Variants in HELZ observed in about 807,000 individuals in gnomAD.
The protein encoded by HELZ is ATP-dependent RNA helicase with zinc finger domain.
Under a neutral mutation model 218.2 loss-of-function variants are expected in HELZ, and 23 were observed. That is an observed-to-expected ratio of 0.11 (90% CI 0.08 to 0.15). The LOEUF (loss-of-function observed/expected upper bound fraction) is 0.15, where lower values mean the gene tolerates loss of function less well. HELZ is among the 10% of genes least tolerant of loss of function. The probability of loss-of-function intolerance (pLI) is 1.00; values close to 1 mark genes in which losing one functional copy is unlikely to be tolerated. For synonymous variants in HELZ, 814 were observed against 829.4 expected, an observed-to-expected ratio of 0.98 and a Z score of 0.32; for missense variants, 1,813 against 2,353.7, an observed-to-expected ratio of 0.77 and a Z score of 4.75.
chr17:67,162,489 A>C (rs1000551663), intron 15 of HELZ, among the ~76,000 whole-genome samples: 2 of 152,068 alleles, frequency 1.3e-5, no homozygotes, highest in African/African-American at 4.8e-5. Context: ...TAAATGAAAA[A>C]ACTGCTTCAG....
At chr17:67,170,809 AG>A (rs1221404935) in intron 13 of HELZ, among the ~76,000 whole-genome samples, 1 of 149,094 alleles carries the variant, frequency 6.7e-6, no homozygotes, top group African/African-American at 2.4e-5. Flanking sequence ...CCTCAGTGAC[AG>A]AGTGAGACTC....
intron 32 of HELZ, among the ~76,000 whole-genome samples, chr17:67,084,912 C>T (rs1434758042): frequency 1.3e-5 from 2 of 152,018 alleles, no homozygotes; most frequent in African/African-American, 4.8e-5. Context: ...TTGAGGTCAG[C>T]CTGGCCAACA....
rs2038576044 is a variant in HELZ, at chr17:67,148,448, G to A, written c.2621+121C>T. ...ACATAAAATTAAACATAATTTGCAA[G>A]ACTAGGGACACTATGTAAGTGTGTT... On this transcript the variant is annotated intron_variant, in intron 20 of 32. Transcript: ENST00000358691. 4.0e-6 allele frequency: 3 copies of A among 749,620 alleles called. No individual in the cohort carries two copies. The South Asian group carries it at 8.2e-5, about 21-fold the overall frequency. The allele number at this position is 749,620 out of a possible 1,614,324, so 46.4% of individuals were successfully genotyped here.
At chr17:67,225,016 G>GA in intron 3 of HELZ, 5 of 683,352 alleles carry the variant, frequency 7.3e-6, no homozygotes, top group South Asian at 6.9e-5. Context: ...GGAGATAAGA[G>GA]AAAGGGTCAA....
intron 31 of HELZ, among the ~76,000 whole-genome samples, chr17:67,094,362 A>C (rs2036672686): frequency 7.0e-6 from 1 of 142,032 alleles, no homozygotes. Flanking sequence ...AGATACAGGC[A>C]TACCTTGGAG....
intron 24 of HELZ, among the ~76,000 whole-genome samples, chr17:67,126,497 C>G (rs1037649684): frequency 6.6e-6 from 1 of 152,100 alleles, no homozygotes; most frequent in Non-Finnish European, 1.5e-5. Flanking sequence ...AACCATAGAA[C>G]AGTAAATTTA....
chr17:67,180,178 C>T (rs988207250), intron 12 of HELZ, among the ~76,000 whole-genome samples: 1 of 152,068 alleles, frequency 6.6e-6, no homozygotes, highest in Non-Finnish European at 1.5e-5. Context: ...TAAAAACTTG[C>T]ACTTTAAAAA....
chr17:67,213,994 A>C (rs2040524464), intron 5 of HELZ, among the ~76,000 whole-genome samples: 1 of 152,190 alleles, frequency 6.6e-6, no homozygotes, highest in Admixed American at 6.5e-5. Flanking sequence ...TGTCACTGTA[A>C]AGGCACAGAA....
In HELZ at chr17:67,070,827, A is replaced by G. The variant is rs978920778; in HGVS notation, c.*7425T>C. On this transcript the variant is annotated 3_prime_UTR_variant, in exon 33 of 33. Transcript: ENST00000358691. Reference sequence around the variant, plus strand: ...AAGTTATGCCTATTTAGATGGCTGTATAACTGGTACTTTGAAGAGATGAAC... The same window carrying G: ...AAGTTATGCCTATTTAGATGGCTGTGTAACTGGTACTTTGAAGAGATGAAC... 2 of 152,198 alleles carry G rather than the reference A, an allele frequency of 1.3e-5. No individual in the cohort carries two copies. Among genetic ancestry groups the G allele is most frequent in the Non-Finnish European group, 2.9e-5 (2 of 68,028 alleles). The allele number at this position is 152,198 out of a possible 1,614,324, so 9.4% of individuals were successfully genotyped here.
At chr17:67,107,094 C>T in intron 31 of HELZ, 75 bp downstream of exon 31, 1 of 1,315,648 alleles carries the variant, frequency 7.6e-7, no homozygotes. Flanking sequence ...TCTGTGCCTT[C>T]CTATTATCAA....
At chr17:67,206,335 G>C (rs1205458860) in intron 5 of HELZ, among the ~76,000 whole-genome samples, 1 of 152,176 alleles carries the variant, frequency 6.6e-6, no homozygotes, top group Non-Finnish European at 1.5e-5. Context: ...TCTAACACTT[G>C]AAATATGTCT....
At chr17:67,162,018 T>G (rs1348780195) in intron 15 of HELZ, among the ~76,000 whole-genome samples, 2 of 152,294 alleles carry the variant, frequency 1.3e-5, no homozygotes, top group South Asian at 4.1e-4. Flanking sequence ...AACCCTCAAA[T>G]AGAGGACAGA....
intron 13 of HELZ, chr17:67,172,896 G>A (rs2039352929): frequency 4.3e-6 from 1 of 234,062 alleles, no homozygotes; most frequent in African/African-American, 2.3e-5. Flanking sequence ...GTGAGCCACT[G>A]CGCCCAGGCC....
chr17:67,166,988 G>A (rs1349131074), intron 14 of HELZ, among the ~76,000 whole-genome samples: 3 of 152,148 alleles, frequency 2.0e-5, no homozygotes, highest in African/African-American at 4.8e-5. Flanking sequence ...GTATCCAGTC[G>A]TGAGAGATGA....
chr17:67,200,696 C>T (rs1362058719), intron 7 of HELZ: 1 of 161,216 alleles, frequency 6.2e-6, no homozygotes, highest in Non-Finnish European at 1.4e-5. Context: ...TGTGATCACA[C>T]CACTGCACTC....
chr17:67,235,310 G>T (rs1042198555), intron 3 of HELZ, among the ~76,000 whole-genome samples: 7 of 152,016 alleles, frequency 4.6e-5, no homozygotes, highest in African/African-American at 1.4e-4. Flanking sequence ...TTCAAGACCA[G>T]CCTGAACAAC....
Position 67,128,787 on chromosome 17 carries a change from T to C in HELZ, c.3251A>G (p.Gln1084Arg), listed in dbSNP as rs1331444262. 6.2e-7 allele frequency: 1 copy of C among 1,614,134 alleles called. No individual in the cohort carries two copies. Among genetic ancestry groups the C allele is most frequent in the Admixed American group, 1.7e-5 (1 of 60,022 alleles). Residue 1084 changes from glutamine (Q) to arginine (R), a missense_variant, in exon 24 of 33, where the codon CAG becomes CGG. Gln to Arg is a conservative substitution (Grantham distance 43). Coordinates refer to ENST00000358691, the MANE Select transcript of HELZ (RefSeq NM_014877.4). ...TAAAGCCTCTAACTGGGCTTTGATC[T>C]GTTCAAAAGTGATTCCATGTAGGCT... The part of the protein sequence containing the change: ...NSSLHGITFE[Q>R]IKAQLEALEL...
At chr17:67,218,516 G>C in intron 4 of HELZ, 79 bp downstream of exon 4, 1 of 1,058,292 alleles carries the variant, frequency 9.4e-7, no homozygotes, top group Non-Finnish European at 1.5e-6. Context: ...CCCAGAATTA[G>C]CTATTTGTAT....
chr17:67,139,176 A>C (rs1459874636), intron 21 of HELZ, among the ~76,000 whole-genome samples: 1 of 152,138 alleles, frequency 6.6e-6, no homozygotes. Flanking sequence ...ACTACGAAGC[A>C]GTTCCCATGT....
Sources: allele counts gnomAD v4.1 joint callset (sites outside exome capture counted in the v4.1 genomes callset), GRCh38; gene constraint gnomAD v4.1.1; transcripts MANE v1.5; gene names NCBI Gene and HGNC (gene_info 2026-07-23, HGNC 2026-07-21).